CAMTA1: variants seen among roughly 807,000 people sequenced by gnomAD.
CAMTA1 encodes the protein calmodulin-binding transcription activator 1.
CAMTA1 carries 27 observed loss-of-function variants against 170.9 expected under a neutral mutation model. The observed-to-expected ratio is 0.16, with a 90% CI of 0.12 to 0.22. The LOEUF (loss-of-function observed/expected upper bound fraction) is 0.22. CAMTA1 is among the 10% of genes least tolerant of loss of function. The pLI is 1.00. For missense variants in CAMTA1, 1,619 were observed against 2,217.2 expected (o/e 0.73, Z 5.42); for synonymous variants, 833 against 891.5 (o/e 0.93, Z 1.17).
intron 11 of CAMTA1, among the ~76,000 whole-genome samples, chr1:7,715,562 C>T (rs11581701): frequency 1.3e-5 from 2 of 151,936 alleles, no homozygotes; most frequent in Non-Finnish European, 2.9e-5. Flanking sequence ...CCTCCCAAAG[C>T]GCTGGGATTA....
chr1:7,541,390 G>A (rs537088786), intron 6 of CAMTA1, among the ~76,000 whole-genome samples: 2 of 152,334 alleles, frequency 1.3e-5, no homozygotes, highest in South Asian at 4.1e-4. Context: ...AACTGGATTT[G>A]CTGAGTTAGA....
intron 5 of CAMTA1, among the ~76,000 whole-genome samples, chr1:7,433,703 T>C (rs1169945767): frequency 1.3e-5 from 2 of 152,104 alleles, no homozygotes; most frequent in Admixed American, 6.5e-5. Flanking sequence ...GACAGAATTA[T>C]AGAAATAGAG....
intron 5 of CAMTA1, among the ~76,000 whole-genome samples, chr1:7,413,345 G>A (rs1203434865): frequency 6.6e-6 from 1 of 152,092 alleles, no homozygotes; most frequent in East Asian, 1.9e-4. Flanking sequence ...ATTACCTTGG[G>A]CAGTATGGCC....
chr1:7,313,852 A>C (rs551596280), intron 5 of CAMTA1, among the ~76,000 whole-genome samples: 7 of 152,194 alleles, frequency 4.6e-5, no homozygotes, highest in Non-Finnish European at 7.3e-5. Flanking sequence ...AAGGTGGGCT[A>C]CTTAGCTGCA....
intron 6 of CAMTA1, among the ~76,000 whole-genome samples, chr1:7,517,470 G>T (rs563880734): frequency 6.6e-6 from 1 of 152,196 alleles, no homozygotes; most frequent in Admixed American, 6.5e-5. Context: ...CACAGAACCT[G>T]GCATTTAGTA....
rs1016604162 is a variant in CAMTA1, at chr1:7,685,782, G to A, written c.2914+8049G>A. On this transcript the variant is annotated intron_variant, in intron 11 of 22. Transcript: ENST00000303635. This position sits in a 1 kb window ranked among gnomAD's most constrained non-coding sequence, Gnocchi z 5.7. ...GGCCATCCATCTAACGGCCTACAGG[G>A]CAGCTTGACCCACGTTTCTCTTGGG... 1.3e-5 allele frequency among the ~76,000 whole-genome samples: 2 copies of A among 152,144 alleles called. No individual in the cohort carries two copies. The highest frequency in any genetic ancestry group is 2.9e-5 in the Non-Finnish European group (2 of 68,028).
At chr1:6,827,677 C>A (rs1647589260) in intron 3 of CAMTA1, among the ~76,000 whole-genome samples, 1 of 152,030 alleles carries the variant, frequency 6.6e-6, no homozygotes, top group Non-Finnish European at 1.5e-5. Flanking sequence ...GACATGAAAA[C>A]CTGAAGGAAA....
intron 1 of CAMTA1, among the ~76,000 whole-genome samples, chr1:6,818,290 TC>T (rs2148430252): frequency 6.6e-6 from 1 of 152,280 alleles, no homozygotes; most frequent in East Asian, 1.9e-4. Context: ...TGAGCTGAGA[TC>T]CCACCACTAC....
intron 19 of CAMTA1, 55 bp from the exon 20 acceptor site, chr1:7,751,144 T>A: frequency 7.2e-7 from 1 of 1,394,984 alleles, no homozygotes; most frequent in Non-Finnish European, 9.9e-7. Context: ...CGAAGGACGC[T>A]GAGCCCGTGC....
intron 6 of CAMTA1, among the ~76,000 whole-genome samples, chr1:7,549,081 T>C (rs1308139487): frequency 4.0e-5 from 5 of 125,424 alleles, no homozygotes; most frequent in East Asian, 2.5e-4. Context: ...GGAGGGTGCC[T>C]CCTTAGGGGT....
chr1:7,710,510 G>A (rs2096561534), intron 11 of CAMTA1, among the ~76,000 whole-genome samples: 1 of 151,614 alleles, frequency 6.6e-6, no homozygotes, highest in Non-Finnish European at 1.5e-5. Context: ...TGAAGCAGGA[G>A]GATTGCTTGA....
chr1:7,192,243 G>T (rs1158823707), intron 4 of CAMTA1, among the ~76,000 whole-genome samples: 1 of 152,188 alleles, frequency 6.6e-6, no homozygotes, highest in Non-Finnish European at 1.5e-5. Context: ...CTCTTCCTCT[G>T]CATCTTTCTC....
At chr1:7,391,060 C>T (rs964684206) in intron 5 of CAMTA1, among the ~76,000 whole-genome samples, 18 of 152,028 alleles carry the variant, frequency 1.2e-4, no homozygotes, top group African/African-American at 4.1e-4. Context: ...TGCAGTGACG[C>T]GATCTCGGCT....
At chr1:7,607,310 TGGTA>T (rs2095493827) in intron 6 of CAMTA1, among the ~76,000 whole-genome samples, 1 of 133,902 alleles carries the variant, frequency 7.5e-6, no homozygotes, top group African/African-American at 2.9e-5. Flanking sequence ...TTGGATGGAA[TGGTA>T]GGTGGGTGGA....
At chr1:6,890,685 C>A (rs989582646) in intron 3 of CAMTA1, among the ~76,000 whole-genome samples, 4 of 152,038 alleles carry the variant, frequency 2.6e-5, no homozygotes, top group African/African-American at 9.7e-5. Flanking sequence ...ATCCTCCTGC[C>A]TTAGCTTCCT....
At chr1:7,629,647 C>G (rs552329269) in intron 6 of CAMTA1, among the ~76,000 whole-genome samples, 5 of 152,168 alleles carry the variant, frequency 3.3e-5, no homozygotes, top group Non-Finnish European at 7.3e-5. Flanking sequence ...CTTTCTGGAC[C>G]GGAAAGCCCT....
intron 5 of CAMTA1, among the ~76,000 whole-genome samples, chr1:7,400,931 C>A (rs1575124281): frequency 1.3e-5 from 2 of 152,278 alleles, no homozygotes; most frequent in South Asian, 4.1e-4. Context: ...ATGTGATTTG[C>A]AAATATTGTC....
intron 1 of CAMTA1, among the ~76,000 whole-genome samples, chr1:6,789,116 C>G (rs1332314673): frequency 6.6e-6 from 1 of 152,168 alleles, no homozygotes. Flanking sequence ...GTTTCTCCAT[C>G]TCATCATTGA....
intron 6 of CAMTA1, among the ~76,000 whole-genome samples, chr1:7,519,197 C>T (rs1421638209): frequency 2.0e-5 from 3 of 152,108 alleles, no homozygotes; most frequent in Admixed American, 6.5e-5. Flanking sequence ...GCCCTGATGC[C>T]GGCTGGCACA....
Sources: allele counts gnomAD v4.1 joint callset (sites outside exome capture counted in the v4.1 genomes callset), GRCh38; gene constraint gnomAD v4.1.1; non-coding constraint Gnocchi (gnomAD v3.1); transcripts MANE v1.5; gene names NCBI Gene and HGNC (gene_info 2026-07-23, HGNC 2026-07-21).